Variants in CCND3 observed in about 807,000 individuals in gnomAD.
The protein encoded by CCND3 is cyclin D3.
A neutral mutation model predicts 28.7 loss-of-function variants in CCND3; 9 were observed. The observed-to-expected ratio is 0.31, with a 90% CI of 0.19 to 0.55. The LOEUF (loss-of-function observed/expected upper bound fraction) is 0.55. Ranked by LOEUF, CCND3 falls within the 20% of genes least tolerant of loss-of-function variation. The pLI is 0.93. For synonymous variants in CCND3, 164 were observed against 163.9 expected (o/e 1.00, Z 0.00); for missense variants, 315 against 385.8 (o/e 0.82, Z 1.54).
rs763981873 is a variant in CCND3, at chr6:41,935,888, T to C, written c.*52A>G. On this transcript the variant is annotated 3_prime_UTR_variant, in exon 5 of 5. Transcript: ENST00000372991. The stretch of plus-strand genomic sequence containing the variant: ...TGGTTCCTGGAGGCAGGGAGGTGGG[T>C]GGCAGCGGCCCCTCCTCTGCTTAGT... The C allele has an allele frequency of 3.8e-5, 57 of 1,510,698 alleles. No homozygotes were observed. Among genetic ancestry groups the C allele is most frequent in the Non-Finnish European group, 4.8e-5 (53 of 1,105,580 alleles). The allele number at this position is 1,510,698 out of a possible 1,614,324, so 93.6% of individuals were successfully genotyped here.
intron 1 of CCND3, among the ~76,000 whole-genome samples, chr6:42,019,530 G>T (rs145559449): frequency 1.3e-5 from 2 of 150,792 alleles, no homozygotes; most frequent in Non-Finnish European, 1.5e-5. Flanking sequence ...ATAACACCAG[G>T]CATGCAAAAT....
chr6:41,997,454 G>A (rs1470641754), intron 1 of CCND3, among the ~76,000 whole-genome samples: 4 of 152,144 alleles, frequency 2.6e-5, no homozygotes, highest in African/African-American at 9.7e-5. Context: ...ATCTGGGGTA[G>A]AAAAGGTAGA....
At chr6:42,017,215 T>C (rs775715904) in intron 1 of CCND3, among the ~76,000 whole-genome samples, 15 of 152,342 alleles carry the variant, frequency 9.8e-5, no homozygotes, top group Non-Finnish European at 1.8e-4. Context: ...CATGGTCCCC[T>C]GCCTCAGCTG....
chr6:42,034,470 T>C (rs565444680), intron 1 of CCND3, among the ~76,000 whole-genome samples: 534 of 83,272 alleles, frequency 6.4e-3, no homozygotes, highest in South Asian at 0.028. Flanking sequence ...CTGTCACTCT[T>C]TTTTTTTTTT....
rs1561958132 is a variant in CCND3, at chr6:41,951,564, ACACAC to A, written c.-45-10984_-45-10980del. On this transcript the variant is annotated intron_variant, in intron 1 of 4. Coordinates refer to the CCND3 transcript ENST00000372988. ...GCGACACACACACACACACACACAC[ACACAC>A]ACACACAAAAAAAAAGATTAAGTGG... Among the ~76,000 whole-genome samples the A allele has an allele frequency of 8.7e-4, 83 of 95,200 alleles. 9 individuals are homozygous for A. The highest frequency in any genetic ancestry group is 1.4e-3 in the Non-Finnish European group (63 of 45,422). 62.5% of individuals were successfully genotyped at this position (95,200 alleles called of 152,430 possible).
intron 1 of CCND3, among the ~76,000 whole-genome samples, chr6:42,023,292 C>T (rs897257159): frequency 1.3e-5 from 2 of 152,138 alleles, no homozygotes; most frequent in Non-Finnish European, 2.9e-5. Context: ...CTAGGGCTGA[C>T]GTGCTGGCGA....
intron 1 of CCND3, among the ~76,000 whole-genome samples, chr6:41,971,784 C>A (rs1762037655): frequency 6.6e-6 from 1 of 150,928 alleles, no homozygotes; most frequent in South Asian, 2.1e-4. Context: ...ATGATCCGCC[C>A]GCCTCGGCCT....
At position 42,021,714 on chromosome 6, in the gene CCND3, CA is replaced by C. The variant is rs548040254; in HGVS notation, c.-46+26786del. The stretch of plus-strand genomic sequence containing the variant: ...ATTCCAGGAAGGGGGACAGTGTGCA[CA>C]AAGCAATGGAAGCAGGAACACCCCA... On this transcript the variant is annotated intron_variant, in intron 1 of 4. Transcript: ENST00000372988. Among the ~76,000 whole-genome samples, 113 of 152,056 alleles carry C rather than the reference CA, an allele frequency of 7.4e-4. No homozygotes were observed. In the Middle Eastern group the frequency reaches 0.014, roughly 18 times the overall value.
intron 1 of CCND3, among the ~76,000 whole-genome samples, chr6:42,014,697 G>A (rs1249770620): frequency 9.9e-5 from 15 of 152,086 alleles, no homozygotes; most frequent in Non-Finnish European, 1.5e-5. Context: ...CTGAGGTTGG[G>A]GGATGGCCTG....
chr6:41,980,399 G>T (rs1266641766), intron 1 of CCND3, among the ~76,000 whole-genome samples: 2 of 152,128 alleles, frequency 1.3e-5, no homozygotes. Flanking sequence ...GCCTCCCAAA[G>T]TGCTGGGATT....
chr6:41,972,301 G>C (rs1422672079), intron 1 of CCND3, among the ~76,000 whole-genome samples: 1 of 151,690 alleles, frequency 6.6e-6, no homozygotes, highest in Non-Finnish European at 1.5e-5. Context: ...CATTCTGTAA[G>C]TGAGCCCATT....
chr6:42,043,570 C>T (rs777486309), intron 1 of CCND3, among the ~76,000 whole-genome samples: 4 of 151,704 alleles, frequency 2.6e-5, no homozygotes, highest in East Asian at 1.9e-4. Flanking sequence ...GGTGGCGCCA[C>T]GCGTGTTGTC....
At chr6:42,000,724 T>A (rs1430251024) in intron 1 of CCND3, among the ~76,000 whole-genome samples, 1 of 150,758 alleles carries the variant, frequency 6.6e-6, no homozygotes, top group Non-Finnish European at 1.5e-5. Flanking sequence ...TGTGCCACCA[T>A]GCCCAGCTAA....
chr6:41,964,298 ATGTGTGAATG>A (rs1444339396), intron 1 of CCND3, among the ~76,000 whole-genome samples: 1 of 150,144 alleles, frequency 6.7e-6, no homozygotes, highest in Non-Finnish European at 1.5e-5. Flanking sequence ...GTGTGTGAGT[ATGTGTGAATG>A]TGTGTGAGTC....
chr6:42,012,585 A>G, intron 1 of CCND3, among the ~76,000 whole-genome samples: 1 of 152,146 alleles, frequency 6.6e-6, no homozygotes, highest in Non-Finnish European at 1.5e-5. Flanking sequence ...TGGGAGACAG[A>G]GTGAGACTCC....
In CCND3 at chr6:41,941,466, A is replaced by T. The variant is rs1215975688; in HGVS notation, c.184T>A (p.Tyr62Asn). The change falls in exon 1 of 5, where the codon TAC becomes AAC. Residue 62 changes from tyrosine (Y) to asparagine (N), a missense_variant. Tyr to Asn is a moderately radical substitution (Grantham distance 143). Coordinates refer to ENST00000372991, the MANE Select transcript of CCND3 (RefSeq NM_001760.5). This position sits in a 1 kb window ranked among gnomAD's most constrained non-coding sequence, Gnocchi z 6.1. ...IKPHMRKMLAYWMLEVCEEQR... is the reference protein window; with the variant it reads ...IKPHMRKMLANWMLEVCEEQR... ...CCGGGCGGTACCTCCAGCATCCAGTAAGCCAGCATCTTCCGCATGTGCGGC... is the reference window on the plus strand; with the variant it reads ...CCGGGCGGTACCTCCAGCATCCAGTTAGCCAGCATCTTCCGCATGTGCGGC... 6.2e-7 allele frequency: 1 copy of T among 1,608,058 alleles called. No homozygotes were observed. Among genetic ancestry groups the T allele is most frequent in the Non-Finnish European group, 8.5e-7 (1 of 1,178,654 alleles).
At chr6:42,036,325 A>G (rs570420065) in intron 1 of CCND3, among the ~76,000 whole-genome samples, 1 of 119,920 alleles carries the variant, frequency 8.3e-6, no homozygotes, top group African/African-American at 3.0e-5. Flanking sequence ...TATATATATA[A>G]AATATATATA....
At chr6:41,947,726 A>G (rs1402267047) in intron 1 of CCND3, among the ~76,000 whole-genome samples, 1 of 152,080 alleles carries the variant, frequency 6.6e-6, no homozygotes, top group East Asian at 1.9e-4. Flanking sequence ...TTCTACGTCA[A>G]AAATACATCT....
intron 1 of CCND3, among the ~76,000 whole-genome samples, chr6:42,047,512 G>C (rs1051554118): frequency 2.6e-5 from 4 of 152,202 alleles, no homozygotes; most frequent in African/African-American, 9.7e-5. Flanking sequence ...AACAGTCTCA[G>C]AGTCCAGGGA....
Sources: gnomAD v4.1 joint callset for allele counts (sites outside exome capture counted in the v4.1 genomes callset) on GRCh38, gnomAD v4.1.1 for gene constraint, Gnocchi (gnomAD v3.1) non-coding constraint, MANE v1.5 for transcripts, NCBI Gene and HGNC (gene_info 2026-07-23, HGNC 2026-07-21) for gene names.